RNF213: variants seen among roughly 807,000 people sequenced by gnomAD.
RNF213 encodes the protein ring finger protein 213, also known as E3 ubiquitin-protein ligase RNF213.
A neutral mutation model predicts 514.4 loss-of-function variants in RNF213; 341 were observed. The ratio of observed to expected loss-of-function variants is 0.66; its 90% confidence interval spans 0.61 to 0.73. RNF213 has a LOEUF of 0.73. Ranked by LOEUF, RNF213 falls within the 30% of genes least tolerant of loss-of-function variation. RNF213 has a pLI of 0.00. For synonymous variants in RNF213, 2,655 were observed against 2,658.2 expected (o/e 1.00, Z 0.04); for missense variants, 5,767 against 6,615.6 (o/e 0.87, Z 4.45).
chr17:80,271,342 C>T (rs559860672), intron 2 of RNF213, among the ~76,000 whole-genome samples: 4 of 152,338 alleles, frequency 2.6e-5, no homozygotes, highest in East Asian at 1.9e-4. Flanking sequence ...CTCTTGGCTA[C>T]GCCAACACTG....
At position 80,393,410 on chromosome 17, in the gene RNF213, C is replaced by T; in HGVS notation, c.15536C>T (p.Ser5179Phe). ...AGTGAAATTCTTCCTGAAATGGCAT[C>T]TCAGTTCCCAGAAGAGATACTGCTC... ...KESEILPEMA[S>F]QFPEEILLAS... is the part of the protein sequence containing the mutation. Residue 5179 changes from serine (S) to phenylalanine (F), a missense_variant, in exon 68 of 68, where the codon TCT (serine) becomes TTT (phenylalanine). This residue lies in a region of RNF213 where 1,245 missense variants were observed against 1,339.0 expected (regional missense o/e 0.93). Transcript: ENST00000582970. The T allele has an allele frequency of 6.2e-7, 1 of 1,614,120 alleles. No homozygotes were observed. The highest frequency in any genetic ancestry group is 8.5e-7 in the Non-Finnish European group (1 of 1,179,936).
chr17:80,347,518 G>A lies in RNF213; in HGVS notation c.9183G>A (p.Glu3061=). Residue 3061 remains glutamate, a synonymous_variant, in exon 29 of 68, where the codon GAG becomes GAA. Coordinates refer to ENST00000582970, the MANE Select transcript of RNF213 (RefSeq NM_001256071.3). The surrounding 1 kb of genome is among the most constrained non-coding windows in gnomAD (Gnocchi z 7.2). ...AGATCCTGCAGCAGACATTCTTCGAGGGGGACCAGCAGCCGGAGATTATTT... is the reference window on the plus strand; with the variant it reads ...AGATCCTGCAGCAGACATTCTTCGAAGGGGACCAGCAGCCGGAGATTATTT... ...ALQILQQTFF[E]GDQQPEIIFG... The A allele has an allele frequency of 6.2e-7, 1 of 1,614,102 alleles. No homozygotes were observed. The highest frequency in any genetic ancestry group is 8.5e-7 in the Non-Finnish European group (1 of 1,180,036).
At chr17:80,287,716 C>T in intron 3 of RNF213, 99 bp from the exon 4 acceptor site, 1 of 1,263,722 alleles carries the variant, frequency 7.9e-7, no homozygotes, top group Non-Finnish European at 1.2e-6. Flanking sequence ...TCGAGCCAAG[C>T]TTGATGTAGT....
intron 54 of RNF213, 73 bp from the exon 55 acceptor site, chr17:80,379,547 A>T: frequency 7.3e-7 from 1 of 1,365,234 alleles, no homozygotes; most frequent in South Asian, 1.2e-5. Context: ...GGAGGTGTTC[A>T]TTTGCATGAT....
Position 80,288,807 on chromosome 17 carries a change from C to T in RNF213, c.933+52C>T, listed in dbSNP as rs762974907. The stretch of plus-strand genomic sequence containing the variant: ...CCAGGAGGCCCTCTCCTGCCCACGG[C>T]TGCGCCTCTTTCATTTAATTATTCA... On this transcript the variant is annotated intron_variant, in intron 5 of 67. Coordinates refer to ENST00000582970, the MANE Select transcript of RNF213 (RefSeq NM_001256071.3). This position sits in a 1 kb window ranked among gnomAD's most constrained non-coding sequence, Gnocchi z 4.9. The T allele has an allele frequency of 1.2e-6, 2 of 1,613,178 alleles. No individual in the cohort carries two copies. Among genetic ancestry groups the T allele is most frequent in the South Asian group, 1.1e-5 (1 of 91,044 alleles).
intron 50 of RNF213, chr17:80,374,857 C>T (rs1380843644): frequency 1.7e-5 from 8 of 470,456 alleles, no homozygotes; most frequent in African/African-American, 1.6e-4. Context: ...TCAGCAGCGC[C>T]TTTTGATTTA....
At chr17:80,376,614 G>T in intron 52 of RNF213, 71 bp downstream of exon 52, 1 of 1,604,816 alleles carries the variant, frequency 6.2e-7, no homozygotes, top group East Asian at 2.2e-5. Context: ...TAGAGACCGA[G>T]CTGCAGCTGT....
At chr17:80,368,665 T>A (rs1283435732) in intron 44 of RNF213, among the ~76,000 whole-genome samples, 1 of 152,180 alleles carries the variant, frequency 6.6e-6, no homozygotes, top group Non-Finnish European at 1.5e-5. Flanking sequence ...ACTCCTGACC[T>A]CAGGTGATCC....
intron 16 of RNF213, among the ~76,000 whole-genome samples, chr17:80,318,777 G>C (rs1487002274): frequency 6.6e-6 from 1 of 152,102 alleles, no homozygotes; most frequent in Non-Finnish European, 1.5e-5. Context: ...GTTTCACCGT[G>C]TTAGCCAGGA....
chr17:80,302,707 A>C (rs1027997346), intron 11 of RNF213, among the ~76,000 whole-genome samples: 4 of 152,144 alleles, frequency 2.6e-5, no homozygotes, highest in African/African-American at 7.2e-5. Flanking sequence ...AACAAACAAA[A>C]AAAATAGTTA....
At chr17:80,382,321 A>G (rs2080044333) in intron 57 of RNF213, 1 of 155,956 alleles carries the variant, frequency 6.4e-6, no homozygotes, top group Non-Finnish European at 1.4e-5. Context: ...GAGTGGTGGA[A>G]TTAAGAGTGA....
At chr17:80,388,584 TAA>T in intron 63 of RNF213, 26 bp from the exon 64 acceptor site, 1 of 1,513,328 alleles carries the variant, frequency 6.6e-7, no homozygotes, top group African/African-American at 1.4e-5. Flanking sequence ...GATTTAATTT[TAA>T]AAAACTTTTT....
At chr17:80,356,345 CCT>C (rs35509053) in intron 36 of RNF213, among the ~76,000 whole-genome samples, 2,918 of 152,344 alleles carry the variant, frequency 0.019, 40 homozygotes, top group Middle Eastern at 0.048. Context: ...CGGGACCAGC[CCT>C]GAGTCACTGA....
Position 80,346,262 on chromosome 17 carries a change from C to A in RNF213, c.7927C>A (p.Arg2643Ser). The change falls in exon 29 of 68, where the codon CGC becomes AGC. Residue 2643 changes from arginine to serine, a missense_variant. Physicochemically the swap from Arg to Ser is moderately radical, Grantham distance 110. Around this residue, in one of 13 missense-constraint regions of RNF213, gnomAD observed 1,377 missense variants for 1,635.2 expected, o/e 0.84. Transcript: ENST00000582970. This position sits in a 1 kb window ranked among gnomAD's most constrained non-coding sequence, Gnocchi z 8.1. Reference sequence around the variant, plus strand: ...CTTTGTCAGCCTCAGGGACGTGGAGCGCTGTGTGAAAGTTTTCAGGTGGTT... The same window carrying A: ...CTTTGTCAGCCTCAGGGACGTGGAGAGCTGTGTGAAAGTTTTCAGGTGGTT... ...CSFVSLRDVE[R>S]CVKVFRWFHE... 1.9e-6 allele frequency: 3 copies of A among 1,614,120 alleles called. No individual in the cohort carries two copies. The highest frequency in any genetic ancestry group is 2.5e-6 in the Non-Finnish European group (3 of 1,180,028).
At chr17:80,307,011 A>G in intron 12 of RNF213, 117 bp from the exon 13 acceptor site, 1 of 977,852 alleles carries the variant, frequency 1.0e-6, no homozygotes, top group Non-Finnish European at 1.7e-6. Context: ...ATTTGTTTGT[A>G]GGAAGAAAAC....
chr17:80,311,124 A>G, intron 14 of RNF213, among the ~76,000 whole-genome samples: 1 of 152,242 alleles, frequency 6.6e-6, no homozygotes, highest in East Asian at 1.9e-4. Flanking sequence ...ACTATCTTAA[A>G]TGTTGGCTGG....
chr17:80,298,495 G>A lies in RNF213; in HGVS notation c.2187G>A (p.Pro729=), dbSNP rs373537100. The part of the protein sequence containing the change: ...WAALEGLSFS[P]FREQMLDTSS... Reference sequence around the variant, plus strand: ...CTCTGGAGGGACTCTCCTTCTCACCGTTCCGGGAACAAATGCTAGATACGT... The same window carrying A: ...CTCTGGAGGGACTCTCCTTCTCACCATTCCGGGAACAAATGCTAGATACGT... The change falls in exon 11 of 68, where the codon CCG becomes CCA. Residue 729 remains proline, a synonymous_variant. Coordinates refer to ENST00000582970, the MANE Select transcript of RNF213 (RefSeq NM_001256071.3). The A allele has an allele frequency of 2.5e-6, 4 of 1,614,172 alleles. No homozygotes were observed. Among genetic ancestry groups the A allele is most frequent in the African/African-American group, 2.7e-5 (2 of 75,044 alleles).
chr17:80,360,059 A>G lies in RNF213; in HGVS notation c.11055-2A>G. 6.2e-7 allele frequency: 1 copy of G among 1,613,972 alleles called. No homozygotes were observed. Among genetic ancestry groups the G allele is most frequent in the Non-Finnish European group, 8.5e-7 (1 of 1,179,862 alleles). ...TTCTTATCATCCCTCACCTTATTGC[A>G]GACATAAAGGTGAGATGGCCTACAT... On this transcript the variant is annotated splice_acceptor_variant, in intron 37 of 67. Transcript: ENST00000582970. LOFTEE classifies it high-confidence loss of function.
rs747717423 is a variant in RNF213, at chr17:80,273,261, A to C, written c.118A>C (p.Thr40Pro). Residue 40 changes from threonine to proline, a missense_variant, in exon 3 of 68, where the codon ACA (threonine) becomes CCA (proline). By Grantham distance (38) the Thr-to-Pro change is conservative (BLOSUM62 -1). This residue lies in a region of RNF213 where 509 missense variants were observed against 496.7 expected (regional missense o/e 1.02). Transcript: ENST00000582970. ...PIADSENNNS[T>P]MASASEGEME... The stretch of plus-strand genomic sequence containing the variant: ...TACAGATTCTGAGAACAATAACTCC[A>C]CAATGGCGTCGGCCTCGGAGGGTGA... 6.2e-7 allele frequency: 1 copy of C among 1,613,600 alleles called. No individual in the cohort carries two copies. Among genetic ancestry groups the C allele is most frequent in the Non-Finnish European group, 8.5e-7 (1 of 1,179,968 alleles).
Sources: allele counts gnomAD v4.1 joint callset (sites outside exome capture counted in the v4.1 genomes callset), GRCh38; gene constraint gnomAD v4.1.1; regional missense constraint gnomAD v4.1.1; non-coding constraint Gnocchi (gnomAD v3.1); transcripts MANE v1.5; gene names NCBI Gene and HGNC (gene_info 2026-07-23, HGNC 2026-07-21).